SPOCK1: variants seen among roughly 807,000 people sequenced by gnomAD.
The protein encoded by SPOCK1 is SPARC (osteonectin), cwcv and kazal like domains proteoglycan 1.
Under a neutral mutation model 55.3 loss-of-function variants are expected in SPOCK1, and 23 were observed. The ratio of observed to expected loss-of-function variants is 0.42; its 90% confidence interval spans 0.30 to 0.59. SPOCK1 has a LOEUF of 0.59. SPOCK1 is among the 20% of genes least tolerant of loss of function. The pLI is 0.22. For synonymous variants in SPOCK1, 226 were observed against 221.0 expected, an observed-to-expected ratio of 1.02 and a Z score of -0.20; for missense variants, 499 against 552.5, an observed-to-expected ratio of 0.90 and a Z score of 0.97.
At chr5:137,403,379 C>A (rs1752024570) in intron 2 of SPOCK1, among the ~76,000 whole-genome samples, 1 of 152,152 alleles carries the variant, frequency 6.6e-6, no homozygotes, top group East Asian at 1.9e-4. Flanking sequence ...TTATTAATAG[C>A]CACTCTGTGC....
intron 3 of SPOCK1, among the ~76,000 whole-genome samples, chr5:137,168,297 C>T (rs1387646141): frequency 6.6e-6 from 1 of 151,972 alleles, no homozygotes; most frequent in African/African-American, 2.4e-5. Context: ...GGACATTGGA[C>T]TGAGCAAAAC....
At chr5:136,979,521 G>A (rs1390111505) in intron 9 of SPOCK1, 52 bp from the exon 10 acceptor site, 5 of 1,594,818 alleles carry the variant, frequency 3.1e-6, no homozygotes, top group Non-Finnish European at 3.4e-6. Flanking sequence ...ATGATACTCG[G>A]GGTTAATGCC....
At chr5:137,490,961 G>T (rs1466903994) in intron 2 of SPOCK1, among the ~76,000 whole-genome samples, 2 of 152,144 alleles carry the variant, frequency 1.3e-5, no homozygotes, top group East Asian at 1.9e-4. Context: ...ATCTATAGCT[G>T]AGTGCCAACA....
chr5:137,398,994 A>AG (rs1389259539), intron 2 of SPOCK1, among the ~76,000 whole-genome samples: 1 of 152,228 alleles, frequency 6.6e-6, no homozygotes, highest in African/African-American at 2.4e-5. Flanking sequence ...TGGAGTGAGG[A>AG]GGACCATCTG....
chr5:137,400,127 T>C (rs574212214), intron 2 of SPOCK1, among the ~76,000 whole-genome samples: 2 of 152,232 alleles, frequency 1.3e-5, no homozygotes, highest in African/African-American at 2.4e-5. Context: ...AACTGGGATA[T>C]TCTTGCCCCT....
At chr5:137,009,183 G>T (rs1290447428) in intron 6 of SPOCK1, among the ~76,000 whole-genome samples, 2 of 152,156 alleles carry the variant, frequency 1.3e-5, no homozygotes, top group African/African-American at 2.4e-5. Context: ...AAGTGATTCA[G>T]AGAGGTTGCT....
intron 4 of SPOCK1, among the ~76,000 whole-genome samples, chr5:137,113,755 G>A (rs1015916136): frequency 2.0e-5 from 3 of 152,162 alleles, no homozygotes; most frequent in Non-Finnish European, 4.4e-5. Flanking sequence ...GGGTATGGAG[G>A]ATGAAATTAC....
intron 2 of SPOCK1, among the ~76,000 whole-genome samples, chr5:137,472,871 A>G (rs2149840029): frequency 6.6e-6 from 1 of 152,380 alleles, no homozygotes; most frequent in East Asian, 1.9e-4. Context: ...CACTTCACTC[A>G]TAATGAAAGA....
intron 6 of SPOCK1, among the ~76,000 whole-genome samples, chr5:137,061,437 G>C (rs1752392821): frequency 6.6e-6 from 1 of 152,168 alleles, no homozygotes; most frequent in Admixed American, 6.5e-5. Context: ...TTTGAGAAAA[G>C]AAAATCACTG....
At chr5:137,159,675 C>CT (rs970885738) in intron 3 of SPOCK1, among the ~76,000 whole-genome samples, 2 of 152,066 alleles carry the variant, frequency 1.3e-5, no homozygotes, top group East Asian at 1.9e-4. Context: ...CAATTTTATT[C>CT]TTTTTTTATG....
chr5:137,065,214 C>T (rs1424007169), intron 6 of SPOCK1, among the ~76,000 whole-genome samples: 2 of 107,506 alleles, frequency 1.9e-5, no homozygotes, highest in Non-Finnish European at 3.5e-5. Flanking sequence ...GGTGACAGAG[C>T]GAGATTTCAT....
intron 5 of SPOCK1, among the ~76,000 whole-genome samples, chr5:137,073,153 C>A (rs923363926): frequency 6.6e-6 from 1 of 152,204 alleles, no homozygotes; most frequent in African/African-American, 2.4e-5. Flanking sequence ...GCATTTAACA[C>A]ATATTCACTG....
At chr5:137,469,569 T>C (rs1029133276) in intron 2 of SPOCK1, among the ~76,000 whole-genome samples, 1 of 152,212 alleles carries the variant, frequency 6.6e-6, no homozygotes, top group Non-Finnish European at 1.5e-5. Context: ...TCTTTAACTA[T>C]AGAACACCTT....
rs536880739 is a variant in SPOCK1 at position 137,448,115 on chromosome 5, G to A, written c.186+50258C>T. Among the ~76,000 whole-genome samples the A allele has an allele frequency of 2.6e-5, 4 of 152,218 alleles. No individual in the cohort carries two copies. The East Asian group carries it at 7.7e-4, about 29-fold the overall frequency. The stretch of plus-strand genomic sequence containing the variant: ...ATACAAAAATTAGCCGGGCTTGGTG[G>A]CAGGCACCTGTAATCCCAGCTACTC... On this transcript the variant is annotated intron_variant, in intron 2 of 10. Coordinates refer to ENST00000394945, the MANE Select transcript of SPOCK1 (RefSeq NM_004598.4).
At chr5:137,146,827 AC>A (rs1754205109) in intron 3 of SPOCK1, among the ~76,000 whole-genome samples, 1 of 152,216 alleles carries the variant, frequency 6.6e-6, no homozygotes, top group Non-Finnish European at 1.5e-5. Flanking sequence ...CCGAGGCCAA[AC>A]AAAGGGCCTA....
intron 2 of SPOCK1, among the ~76,000 whole-genome samples, chr5:137,289,541 C>T (rs921026620): frequency 2.6e-5 from 4 of 152,128 alleles, no homozygotes; most frequent in Non-Finnish European, 4.4e-5. Context: ...GGGAGAAAGA[C>T]AACAAGTTTC....
intron 2 of SPOCK1, among the ~76,000 whole-genome samples, chr5:137,460,118 T>C (rs929664151): frequency 6.6e-6 from 1 of 152,126 alleles, no homozygotes; most frequent in African/African-American, 2.4e-5. Flanking sequence ...ATTCACTGAA[T>C]TGAATTAGTT....
rs752912340 is a variant in SPOCK1 at position 137,438,913 on chromosome 5, A to G, written c.186+59460T>C. Reference sequence around the variant, plus strand: ...TAAAAGTAAGTAAAGTTTTCAGATCATTTGGGTTCGTTAGGCAGGGCTCAA... The same window carrying G: ...TAAAAGTAAGTAAAGTTTTCAGATCGTTTGGGTTCGTTAGGCAGGGCTCAA... On this transcript the variant is annotated intron_variant, in intron 2 of 10. Coordinates refer to ENST00000394945, the MANE Select transcript of SPOCK1 (RefSeq NM_004598.4). Among the ~76,000 whole-genome samples, 5 of 152,192 alleles carry G rather than the reference A, an allele frequency of 3.3e-5. 1 individual carries two copies. Among genetic ancestry groups the G allele is most frequent in the Non-Finnish European group, 7.3e-5 (5 of 68,036 alleles).
intron 2 of SPOCK1, among the ~76,000 whole-genome samples, chr5:137,344,961 T>C (rs566033837): frequency 2.0e-5 from 3 of 152,320 alleles, no homozygotes; most frequent in Admixed American, 1.3e-4. Flanking sequence ...AAAAGCTTTA[T>C]AGAAGGTTCT....
Sources: allele counts gnomAD v4.1 joint callset (sites outside exome capture counted in the v4.1 genomes callset), GRCh38; gene constraint gnomAD v4.1.1; transcripts MANE v1.5; gene names NCBI Gene and HGNC (gene_info 2026-07-23, HGNC 2026-07-21).